The following DAB1 variants were observed in gnomAD, a reference collection of about 807,000 sequenced individuals.
DAB1 encodes disabled homolog 1.
In DAB1, 15 loss-of-function variants were observed where a neutral mutation model predicts 64.6. The observed-to-expected ratio is 0.23, with a 90% CI of 0.16 to 0.36. The LOEUF is 0.36. DAB1 is among the 10% of genes least tolerant of loss of function. The probability of loss-of-function intolerance (pLI) is 1.00; values close to 1 mark genes in which losing one functional copy is unlikely to be tolerated. For synonymous variants in DAB1, 235 were observed against 251.9 expected, an observed-to-expected ratio of 0.93 and a Z score of 0.64; for missense variants, 596 against 706.7, an observed-to-expected ratio of 0.84 and a Z score of 1.78.
intron 8 of DAB1, among the ~76,000 whole-genome samples, chr1:57,067,713 A>G (rs560043537): frequency 1.8e-4 from 27 of 152,270 alleles, no homozygotes; most frequent in African/African-American, 6.0e-4. Context: ...TTACTTGCTC[A>G]TTTTACAGAT....
At chr1:57,176,022 C>A (rs1016583777) in intron 2 of DAB1, among the ~76,000 whole-genome samples, 1 of 151,998 alleles carries the variant, frequency 6.6e-6, no homozygotes, top group African/African-American at 2.4e-5. Flanking sequence ...AGTTATTGAC[C>A]CTTTCTAAAG....
chr1:57,968,590 G>T (rs1471399094), intron 5 of DAB1, among the ~76,000 whole-genome samples: 1 of 152,120 alleles, frequency 6.6e-6, no homozygotes, highest in Non-Finnish European at 1.5e-5. Flanking sequence ...GAACACAGAT[G>T]CATGAGTCAG....
chr1:57,021,230 A>T (rs1646607729), intron 11 of DAB1, among the ~76,000 whole-genome samples: 1 of 152,224 alleles, frequency 6.6e-6, no homozygotes, highest in African/African-American at 2.4e-5. Flanking sequence ...GGAAATCTGG[A>T]TATGTGGAAG....
intron 3 of DAB1, among the ~76,000 whole-genome samples, chr1:58,490,179 A>C (rs899492474): frequency 6.6e-6 from 1 of 152,192 alleles, no homozygotes; most frequent in Non-Finnish European, 1.5e-5. Context: ...ATGGCAAAGA[A>C]GTTAAAAATC....
chr1:57,086,714 G>A lies in DAB1; in HGVS notation c.307-14300C>T, dbSNP rs186384548. Among the ~76,000 whole-genome samples the A allele has an allele frequency of 8.6e-5, 13 of 151,756 alleles. No homozygotes were observed. The East Asian group carries it at 2.3e-3, about 27-fold the overall frequency. ...GAAAAAAACCTGAATGGCGGGGGGA[G>A]GGGGTCAGGGGGTGGTGACAGTGGT... is the stretch of plus-strand genomic sequence containing the variant. On this transcript the variant is annotated intron_variant, in intron 4 of 14. Transcript: ENST00000371236.
intron 1 of DAB1, among the ~76,000 whole-genome samples, chr1:57,395,024 G>A (rs1465253152): frequency 1.3e-5 from 2 of 152,174 alleles, no homozygotes; most frequent in East Asian, 3.9e-4. Context: ...TAATATATAT[G>A]TTTTTTGTTT....
chr1:58,493,104 G>A (rs959764858), intron 3 of DAB1, among the ~76,000 whole-genome samples: 25 of 152,108 alleles, frequency 1.6e-4, no homozygotes, highest in African/African-American at 5.6e-4. Flanking sequence ...ATGCAAGGCT[G>A]GTTCAACATA....
chr1:57,324,273 A>T lies in DAB1; in HGVS notation c.-136-33107T>A, dbSNP rs1042782594. On this transcript the variant is annotated intron_variant, in intron 1 of 14. Transcript: ENST00000371236. Reference sequence around the variant, plus strand: ...GTCGGGATGCTCAGGAATTCACACTAAACTCAATTTGCAGTTAATCGTTCA... The same window carrying T: ...GTCGGGATGCTCAGGAATTCACACTTAACTCAATTTGCAGTTAATCGTTCA... Among the ~76,000 whole-genome samples, 9 of 152,204 alleles carry T rather than the reference A, an allele frequency of 5.9e-5. No individual in the cohort carries two copies. The South Asian group carries it at 1.9e-3, about 31-fold the overall frequency.
chr1:58,127,706 T>C (rs894097731), intron 5 of DAB1, among the ~76,000 whole-genome samples: 8 of 152,068 alleles, frequency 5.3e-5, no homozygotes, highest in Non-Finnish European at 1.2e-4. Flanking sequence ...GCACCATTTA[T>C]TAAATAGGGA....
At chr1:58,491,827 C>G (rs1645697967) in intron 3 of DAB1, among the ~76,000 whole-genome samples, 2 of 152,206 alleles carry the variant, frequency 1.3e-5, no homozygotes, top group African/African-American at 4.8e-5. Flanking sequence ...GAGACTTTAA[C>G]ACCCCACTGT....
chr1:57,614,928 T>G lies in DAB1; in HGVS notation n.625+34664A>C, dbSNP rs550203489. The stretch of plus-strand genomic sequence containing the variant: ...CTCTGTCGCCCAGGCTAGAGTGCAG[T>G]GCTGCTGTCTCGGCTCACTGCAAAC... On this transcript the variant is annotated intron_variant and non_coding_transcript_variant, in intron 7 of 20. Coordinates refer to the DAB1 transcript ENST00000485760. 3.4e-5 allele frequency among the ~76,000 whole-genome samples: 5 copies of G among 145,044 alleles called. No homozygotes were observed. The South Asian group carries it at 1.1e-3, about 33-fold the overall frequency.
At chr1:57,750,761 G>A (rs1302972727) in intron 6 of DAB1, among the ~76,000 whole-genome samples, 2 of 152,080 alleles carry the variant, frequency 1.3e-5, no homozygotes, top group Non-Finnish European at 2.9e-5. Flanking sequence ...TCCTCAAGTT[G>A]CCTCTCTTAC....
chr1:57,212,257 GAGA>G (rs899244609), intron 2 of DAB1, among the ~76,000 whole-genome samples: 1 of 151,564 alleles, frequency 6.6e-6, no homozygotes, highest in African/African-American at 2.4e-5. Context: ...CAAATGGTCC[GAGA>G]TTAGGTGGTT....
chr1:57,743,235 T>G (rs531826351), intron 6 of DAB1, among the ~76,000 whole-genome samples: 8 of 152,046 alleles, frequency 5.3e-5, no homozygotes, highest in Non-Finnish European at 8.8e-5. Flanking sequence ...GAAGTAAAAA[T>G]AGCCTTAACT....
At chr1:57,428,858 A>ACC, upstream of DAB1, among the ~76,000 whole-genome samples, 1 of 135,254 alleles carries the variant, frequency 7.4e-6, no homozygotes, top group East Asian at 2.2e-4. Context: ...AAAAAAAAAA[A>ACC]AACAGCAACC....
chr1:58,011,733 G>A (rs1291833999), intron 5 of DAB1, among the ~76,000 whole-genome samples: 5 of 152,050 alleles, frequency 3.3e-5, no homozygotes, highest in Non-Finnish European at 7.4e-5. Context: ...TGTCGCCCAG[G>A]CTGGAGTGCA....
chr1:57,328,452 T>C (rs1676367727), intron 1 of DAB1, among the ~76,000 whole-genome samples: 1 of 152,124 alleles, frequency 6.6e-6, no homozygotes, highest in African/African-American at 2.4e-5. Flanking sequence ...TGTGGTTTCC[T>C]AGCTAACAGG....
intron 7 of DAB1, among the ~76,000 whole-genome samples, chr1:57,623,277 T>C (rs928917977): frequency 6.6e-6 from 1 of 152,104 alleles, no homozygotes; most frequent in African/African-American, 2.4e-5. Flanking sequence ...ATCTCCAAAT[T>C]AACTCATACG....
chr1:57,643,758 C>G (rs1035013964), intron 7 of DAB1, among the ~76,000 whole-genome samples: 3 of 152,168 alleles, frequency 2.0e-5, no homozygotes, highest in Non-Finnish European at 4.4e-5. Context: ...TTCTCAAGCT[C>G]AACACTTGGT....
Sources: allele counts gnomAD v4.1 joint callset (sites outside exome capture counted in the v4.1 genomes callset), GRCh38; gene constraint gnomAD v4.1.1; transcripts MANE v1.5; gene names NCBI Gene and HGNC (gene_info 2026-07-23, HGNC 2026-07-21).